TEX11: variants seen among roughly 807,000 people sequenced by gnomAD.
TEX11 encodes the protein testis-expressed protein 11.
Under a neutral mutation model 84.4 loss-of-function variants are expected in TEX11, and 7 were observed. The ratio of observed to expected loss-of-function variants is 0.08; its 90% confidence interval spans 0.05 to 0.16. The LOEUF is 0.16. TEX11 is among the 10% of genes least tolerant of loss of function. TEX11 has a pLI of 1.00. For missense variants in TEX11, 551 were observed against 660.5 expected (o/e 0.83, Z 1.82); for synonymous variants, 264 against 222.8 (o/e 1.18, Z -1.64).
chrX:70,625,776 C>CTTTTT (rs36048662), intron 18 of TEX11, among the ~76,000 whole-genome samples: 1 of 95,160 alleles, frequency 1.1e-5, no homozygotes, highest in South Asian at 5.0e-4. Context: ...TTTTCTTTTT[C>CTTTTT]TTTTTTTTTT....
intron 2 of TEX11, among the ~76,000 whole-genome samples, chrX:70,892,664 C>T (rs1361420901): frequency 1.8e-5 from 2 of 108,396 alleles, no homozygotes; most frequent in East Asian, 5.8e-4. Flanking sequence ...ACCTGGGAGG[C>T]GGAGGTTGCA....
At chrX:70,826,826 G>A (rs1227199338) in intron 8 of TEX11, among the ~76,000 whole-genome samples, 2 of 111,091 alleles carry the variant, frequency 1.8e-5, no homozygotes, top group Admixed American at 1.9e-4. Flanking sequence ...ACATAAACTT[G>A]AGTGGCAGTC....
chrX:70,904,066 C>T (rs1035541497), intron 2 of TEX11, among the ~76,000 whole-genome samples: 3 of 104,196 alleles, frequency 2.9e-5, no homozygotes, highest in Admixed American at 1.1e-4. Flanking sequence ...GTATTCCTCC[C>T]GCCTCAGCCT....
chrX:70,773,112 G>A (rs1162055668), intron 9 of TEX11, among the ~76,000 whole-genome samples: 1 of 111,088 alleles, frequency 9.0e-6, no homozygotes, highest in East Asian at 2.8e-4. Flanking sequence ...AGTTAAATAA[G>A]GGAATGACAG....
downstream of TEX11, among the ~76,000 whole-genome samples, chrX:70,525,304 G>A (rs777035714): frequency 3.8e-4 from 43 of 111,820 alleles, no homozygotes; most frequent in Non-Finnish European, 6.4e-4. Context: ...GTACCAGGCA[G>A]GCCAGGTACA....
chrX:70,839,005 G>A (rs2147838547), intron 7 of TEX11, among the ~76,000 whole-genome samples: 1 of 112,629 alleles, frequency 8.9e-6, no homozygotes, highest in African/African-American at 3.2e-5. Flanking sequence ...GCTCGAACTG[G>A]GTGGAGCCCA....
intron 28 of TEX11, among the ~76,000 whole-genome samples, chrX:70,547,204 T>C (rs1264523646): frequency 3.6e-5 from 4 of 110,361 alleles, no homozygotes; most frequent in African/African-American, 1.3e-4. Flanking sequence ...AAAGCGGATC[T>C]GTGGTTGCCT....
intron 9 of TEX11, among the ~76,000 whole-genome samples, chrX:70,768,390 T>C (rs1046577937): frequency 1.8e-5 from 2 of 111,616 alleles, no homozygotes; most frequent in African/African-American, 6.5e-5. Context: ...ATAAATCTAC[T>C]AGACCTAATA....
rs1442259312 is a variant in TEX11 at position 70,906,096 on chromosome X, T to A, written c.37+1657A>T. On this transcript the variant is annotated intron_variant, in intron 2 of 29. Coordinates refer to ENST00000374333, the MANE Select transcript of TEX11 (RefSeq NM_031276.3). ...AAAAAAAAAAAAAAAAAAAAATATA[T>A]ATATATATATATATATATATATATA... 1.6e-3 allele frequency among the ~76,000 whole-genome samples: 8 copies of A among 4,852 alleles called. 1 individual carries two copies. Among genetic ancestry groups the A allele is most frequent in the African/African-American group, 8.5e-3 (7 of 827 alleles). The allele number at this position is 4,852 out of a possible 115,157, so 4.2% of individuals were successfully genotyped here. A position where few individuals can be genotyped will look rare whatever the true frequency, so the allele number is the denominator to read the frequency against.
Position 70,599,981 on chromosome X carries a change from C to T in TEX11, c.2067+5420G>A, listed in dbSNP as rs771578290. ...TGTGAATAATGCCTCAATAAACATA[C>T]GTGTGCATGTGTATTTATAGCAGCA... On this transcript the variant is annotated intron_variant, in intron 24 of 29. Transcript: ENST00000374333. Among the ~76,000 whole-genome samples the T allele has an allele frequency of 6.4e-3, 701 of 110,366 alleles. 5 individuals are homozygous for T. Among genetic ancestry groups the T allele is most frequent in the African/African-American group, 0.021 (630 of 30,302 alleles).
intron 25 of TEX11, among the ~76,000 whole-genome samples, chrX:70,561,147 T>C (rs1366191885): frequency 6.4e-5 from 7 of 108,618 alleles, no homozygotes; most frequent in Non-Finnish European, 5.7e-5. Context: ...CACATGAACA[T>C]GGCATATATC....
At chrX:70,899,518 G>A (rs1201341460) in intron 2 of TEX11, among the ~76,000 whole-genome samples, 1 of 110,246 alleles carries the variant, frequency 9.1e-6, no homozygotes, top group East Asian at 2.8e-4. Context: ...GACAGGGCTG[G>A]TATTGAGTAT....
rs1278992139 is a variant in TEX11 at position 70,629,747 on chromosome X, G to GA, written c.1484-13dup. The GA allele has an allele frequency of 1.8e-6, 2 of 1,111,300 alleles. No individual in the cohort carries two copies. Among genetic ancestry groups the GA allele is most frequent in the East Asian group, 3.1e-5 (1 of 32,146 alleles). 91.6% of individuals were successfully genotyped at this position (1,111,300 alleles called of 1,213,427 possible). A position where few individuals can be genotyped will look rare whatever the true frequency, so the allele number is the denominator to read the frequency against. Reference sequence around the variant, plus strand: ...TATTGCCTGCAAAGCTGAAAAACAAGAAAAAAATTCAAAAATGATATACTC... The same window carrying GA: ...TATTGCCTGCAAAGCTGAAAAACAAGAAAAAAAATTCAAAAATGATATACTC... On this transcript the variant is annotated splice_polypyrimidine_tract_variant and intron_variant, in intron 17 of 29. Coordinates refer to ENST00000374333, the MANE Select transcript of TEX11 (RefSeq NM_031276.3).
chrX:70,586,521 T>C (rs911857827), intron 25 of TEX11, among the ~76,000 whole-genome samples: 2 of 111,574 alleles, frequency 1.8e-5, no homozygotes, highest in Non-Finnish European at 3.8e-5. Context: ...AATAGACAAG[T>C]CCTTTCCCTC....
At chrX:70,782,655 A>AAC (rs1556068478) in intron 9 of TEX11, among the ~76,000 whole-genome samples, 3 of 102,677 alleles carry the variant, frequency 2.9e-5, no homozygotes, top group Non-Finnish European at 5.9e-5. Flanking sequence ...CAAAAAAAAA[A>AAC]AAAAAAAAAA....
intron 9 of TEX11, among the ~76,000 whole-genome samples, chrX:70,767,353 T>C (rs1602110968): frequency 8.9e-6 from 1 of 111,733 alleles, no homozygotes; most frequent in African/African-American, 3.2e-5. Context: ...GGCAGACACA[T>C]GAAAGATGCT....
chrX:70,850,688 G>A (rs759473007), intron 7 of TEX11, among the ~76,000 whole-genome samples: 6 of 110,829 alleles, frequency 5.4e-5, no homozygotes, highest in Admixed American at 2.9e-4. Flanking sequence ...CCAGGAGGTT[G>A]AGGCTGCAGT....
chrX:70,783,158 G>T, intron 9 of TEX11, among the ~76,000 whole-genome samples: 1 of 111,899 alleles, frequency 8.9e-6, no homozygotes, highest in African/African-American at 3.2e-5. Context: ...AATCAAATTA[G>T]AACTCAGGAT....
At position 70,846,238 on chromosome X, in the gene TEX11, G is replaced by A. The variant is rs766195177; in HGVS notation, c.525+6796C>T. The A allele has an allele frequency of 2.4e-3, 267 of 111,686 alleles. 1 individual carries two copies. The highest frequency in any genetic ancestry group is 2.9e-3 in the Non-Finnish European group (155 of 53,211). The allele number at this position is 111,686 out of a possible 1,213,427, so 9.2% of individuals were successfully genotyped here. A position where few individuals can be genotyped will look rare whatever the true frequency, so the allele number is the denominator to read the frequency against. On this transcript the variant is annotated intron_variant, in intron 7 of 29. Coordinates refer to ENST00000374333, the MANE Select transcript of TEX11 (RefSeq NM_031276.3). Reference sequence around the variant, plus strand: ...CTTTGTGGTTTTCAGTGCTATACACGTTCAGAGAAACTTCTCTAGTAACAA... The same window carrying A: ...CTTTGTGGTTTTCAGTGCTATACACATTCAGAGAAACTTCTCTAGTAACAA...
Sources: allele counts gnomAD v4.1 joint callset (sites outside exome capture counted in the v4.1 genomes callset), GRCh38; gene constraint gnomAD v4.1.1; transcripts MANE v1.5; gene names NCBI Gene and HGNC (gene_info 2026-07-23, HGNC 2026-07-21).